Variants in C7orf57 observed in about 807,000 individuals in gnomAD.
The protein encoded by C7orf57 is uncharacterized protein C7orf57.
In C7orf57, 33 loss-of-function variants were observed where a neutral mutation model predicts 39.0. The ratio of observed to expected loss-of-function variants is 0.85; its 90% CI spans 0.64 to 1.13. C7orf57 has a LOEUF of 1.13. Among genes scored for constraint, C7orf57 ranks in the 50% most tolerant of loss-of-function variants. C7orf57 has a pLI of 0.00. For missense variants in C7orf57, 346 were observed against 362.3 expected, an observed-to-expected ratio of 0.95 and a Z score of 0.37; for synonymous variants, 124 against 137.1, an observed-to-expected ratio of 0.90 and a Z score of 0.67.
chr7:48,036,192 G>C lies in C7orf57; in HGVS notation c.-101-16G>C, dbSNP rs71547874. ...CAGACCGACCCAGAGCGGGCGCGCGGATTTTGCTTTTGCAGCTGCAGCTCC... is the reference window on the plus strand; with the variant it reads ...CAGACCGACCCAGAGCGGGCGCGCGCATTTTGCTTTTGCAGCTGCAGCTCC... On this transcript the variant is annotated splice_polypyrimidine_tract_variant and intron_variant, in intron 1 of 8. Coordinates refer to ENST00000348904, the MANE Select transcript of C7orf57 (RefSeq NM_001100159.3). The C allele has an allele frequency of 8.8e-7, 1 of 1,138,362 alleles. No individual in the cohort carries two copies. Among genetic ancestry groups the C allele is most frequent in the Non-Finnish European group, 1.3e-6 (1 of 771,096 alleles). The allele number at this position is 1,138,362 out of a possible 1,614,324, so 70.5% of individuals were successfully genotyped here. A position where few individuals can be genotyped will look rare whatever the true frequency, so the allele number is the denominator to read the frequency against.
At chr7:48,054,883 A>T (rs867055049) in intron 8 of C7orf57, among the ~76,000 whole-genome samples, 16,488 of 150,180 alleles carry the variant, frequency 0.11, 1,228 homozygotes, top group African/African-American at 0.21. Context: ...TATTATTATT[A>T]TTATTTTTTT....
chr7:48,039,770 C>T (rs4354227), intron 2 of C7orf57, among the ~76,000 whole-genome samples: 180 of 45,716 alleles, frequency 3.9e-3, no homozygotes, highest in African/African-American at 7.7e-3. Flanking sequence ...TGTGACAGTA[C>T]GTTCTGATAA....
At chr7:48,050,377 T>C (rs909077157) in intron 6 of C7orf57, among the ~76,000 whole-genome samples, 1 of 152,228 alleles carries the variant, frequency 6.6e-6, no homozygotes, top group Non-Finnish European at 1.5e-5. Context: ...GTCCGCGCCT[T>C]GTAAGCGTGC....
At chr7:48,043,101 G>A (rs997937176) in intron 3 of C7orf57, among the ~76,000 whole-genome samples, 10 of 152,186 alleles carry the variant, frequency 6.6e-5, no homozygotes, top group African/African-American at 2.4e-4. Context: ...AGAACGGTGT[G>A]GGGGTAGCTG....
chr7:48,051,766 C>CTTTAT lies in C7orf57; in HGVS notation c.606-931_606-930insATTTT, dbSNP rs1554299677. 3.1e-5 allele frequency among the ~76,000 whole-genome samples: 2 copies of CTTTAT among 63,766 alleles called. 1 individual carries two copies. The highest frequency in any genetic ancestry group is 7.3e-5 in the Non-Finnish European group (2 of 27,406). 41.8% of individuals were successfully genotyped at this position (63,766 alleles called of 152,430 possible). ...TTCTTTTTCTTTTCTTTCTTTCTTTCTTTCTTTCTTTCTTTCTTTCTTTCT... is the reference window on the plus strand; with the variant it reads ...TTCTTTTTCTTTTCTTTCTTTCTTTCTTTATTTTCTTTCTTTCTTTCTTTCTTTCT... On this transcript the variant is annotated intron_variant, in intron 6 of 8. Transcript: ENST00000348904.
intron 4 of C7orf57, among the ~76,000 whole-genome samples, chr7:48,043,880 TAAGATGGTGGCGGGCTGCTTCC>T (rs1254328254): frequency 6.6e-6 from 1 of 152,008 alleles, no homozygotes; most frequent in African/African-American, 2.4e-5. Flanking sequence ...TTAGAGCTTC[TAAGATGGTGGCGGGCTGCTTCC>T]AAGATGGTGG....
At chr7:48,043,389 T>G (rs1419927961) in intron 3 of C7orf57, 92 bp from the exon 4 acceptor site, 1 of 911,030 alleles carries the variant, frequency 1.1e-6, no homozygotes, top group African/African-American at 1.7e-5. Flanking sequence ...GACCTACAGT[T>G]CGCCTTGTAA....
intron 7 of C7orf57, 69 bp from the exon 8 acceptor site, chr7:48,054,526 T>G (rs1357967333): frequency 3.1e-6 from 4 of 1,278,878 alleles, no homozygotes; most frequent in Non-Finnish European, 4.4e-6. Flanking sequence ...AATCTTTAAG[T>G]AATTATGACT....
In C7orf57 at chr7:48,036,356, T is replaced by C. The variant is rs1233765859; in HGVS notation, c.48T>C (p.Ala16=). ...KELQGATHRY[A]PCDWYYHVPV... ...TTCAGGGCGCCACGCACCGCTACGC[T>C]CCCTGCGGTGAGTGCGCCCTGAGCG... The change falls in exon 2 of 9, where the codon GCT becomes GCC. Residue 16 remains alanine (A), a synonymous_variant. Transcript: ENST00000348904. 1.9e-6 allele frequency: 3 copies of C among 1,586,764 alleles called. No homozygotes were observed. The highest frequency in any genetic ancestry group is 2.6e-6 in the Non-Finnish European group (3 of 1,167,114).
intron 2 of C7orf57, among the ~76,000 whole-genome samples, chr7:48,038,383 T>TATATATAG (rs148010398): frequency 0.054 from 8,072 of 150,182 alleles, 267 homozygotes; most frequent in South Asian, 0.097. Flanking sequence ...TCTATATACA[T>TATATATAG]ATAGATAGAT....
At chr7:48,038,515 C>T (rs1790455159) in intron 2 of C7orf57, among the ~76,000 whole-genome samples, 2 of 152,232 alleles carry the variant, frequency 1.3e-5, no homozygotes, top group South Asian at 4.1e-4. Flanking sequence ...GGCTGGAGAC[C>T]CAGGGAAGAG....
intron 5 of C7orf57, among the ~76,000 whole-genome samples, chr7:48,048,363 C>G (rs77149780): frequency 6.6e-6 from 1 of 152,104 alleles, no homozygotes; most frequent in Non-Finnish European, 1.5e-5. Flanking sequence ...TGGCCTCACA[C>G]GGGACACATG....
intron 7 of C7orf57, 87 bp from the exon 8 acceptor site, chr7:48,054,508 T>C: frequency 8.5e-7 from 1 of 1,171,450 alleles, no homozygotes; most frequent in Non-Finnish European, 1.2e-6. Context: ...AATACAGAAT[T>C]TTCATTAAAT....
chr7:48,036,396 A>G, intron 2 of C7orf57, 33 bp downstream of exon 2: 2 of 1,542,262 alleles, frequency 1.3e-6, no homozygotes, highest in Admixed American at 2.0e-5. Context: ...CCGGCCAGAA[A>G]GAGCTGGGTG....
intron 2 of C7orf57, among the ~76,000 whole-genome samples, chr7:48,036,565 T>TG (rs1383683392): frequency 6.6e-6 from 1 of 151,924 alleles, no homozygotes; most frequent in African/African-American, 2.4e-5. Flanking sequence ...TAAATATGAG[T>TG]GGGGGGAGTC....
intron 5 of C7orf57, among the ~76,000 whole-genome samples, chr7:48,048,050 T>G (rs1261658341): frequency 2.0e-5 from 3 of 152,186 alleles, no homozygotes; most frequent in Non-Finnish European, 4.4e-5. Context: ...GTGGGGTTTT[T>G]AAGTTAGTAC....
chr7:48,051,347 ATTTT>A lies in C7orf57; in HGVS notation c.606-1336_606-1333del, dbSNP rs71006546. Among the ~76,000 whole-genome samples, 14 of 69,780 alleles carry A rather than the reference ATTTT, an allele frequency of 2.0e-4. 1 individual carries two copies. The highest frequency in any genetic ancestry group is 7.8e-4 in the African/African-American group (13 of 16,562). 45.8% of individuals were successfully genotyped at this position (69,780 alleles called of 152,430 possible). A position where few individuals can be genotyped will look rare whatever the true frequency, so the allele number is the denominator to read the frequency against. On this transcript the variant is annotated intron_variant, in intron 6 of 8. Coordinates refer to ENST00000348904, the MANE Select transcript of C7orf57 (RefSeq NM_001100159.3). ...AGGTGCCTGCCACCACAGCTGGCTAATTTTTTTTTTTTTTTTTTTTGGAGACAGA... is the reference window on the plus strand; with the variant it reads ...AGGTGCCTGCCACCACAGCTGGCTAATTTTTTTTTTTTTTTTGGAGACAGA...
chr7:48,037,446 C>G (rs1180347358), intron 2 of C7orf57, among the ~76,000 whole-genome samples: 1 of 152,214 alleles, frequency 6.6e-6, no homozygotes, highest in Admixed American at 6.5e-5. Context: ...CACAGCTGTT[C>G]TGTGAGGCCA....
intron 8 of C7orf57, among the ~76,000 whole-genome samples, chr7:48,056,501 C>G (rs749067382): frequency 6.6e-6 from 1 of 151,884 alleles, no homozygotes; most frequent in Non-Finnish European, 1.5e-5. Context: ...GGTGTTCTGT[C>G]CAAAAAATCA....
Sources: allele counts gnomAD v4.1 joint callset (sites outside exome capture counted in the v4.1 genomes callset), GRCh38; gene constraint gnomAD v4.1.1; transcripts MANE v1.5; gene names NCBI Gene and HGNC (gene_info 2026-07-23, HGNC 2026-07-21).